MAGI2: variants seen among roughly 807,000 people sequenced by gnomAD.
MAGI2 encodes membrane associated guanylate kinase, WW and PDZ domain containing 2.
MAGI2 carries 35 observed loss-of-function variants against 133.3 expected under a neutral mutation model. The ratio of observed to expected loss-of-function variants is 0.26; its 90% CI spans 0.20 to 0.35. The LOEUF is 0.35. MAGI2 is among the 10% of genes least tolerant of loss of function. The probability of loss-of-function intolerance (pLI) is 1.00; values close to 1 mark genes in which losing one functional copy is unlikely to be tolerated. For missense variants in MAGI2, 1,636 were observed against 1,863.4 expected (o/e 0.88, Z 2.25); for synonymous variants, 729 against 710.6 (o/e 1.03, Z -0.41).
intron 5 of MAGI2, among the ~76,000 whole-genome samples, chr7:78,490,579 GA>G (rs1444887259): frequency 6.6e-6 from 1 of 152,076 alleles, no homozygotes; most frequent in African/African-American, 2.4e-5. Context: ...AAGTGGTTGT[GA>G]AATAACCTGC....
chr7:78,350,788 G>A (rs1791427821), intron 7 of MAGI2, among the ~76,000 whole-genome samples: 1 of 152,156 alleles, frequency 6.6e-6, no homozygotes, highest in African/African-American at 2.4e-5. Context: ...GAGCCCATCA[G>A]TATGCACAGG....
chr7:78,092,960 C>T (rs978089442), intron 20 of MAGI2, among the ~76,000 whole-genome samples: 1 of 151,660 alleles, frequency 6.6e-6, no homozygotes, highest in Non-Finnish European at 1.5e-5. Flanking sequence ...AGGGAAACCC[C>T]GTCTCTACTA....
Position 78,162,370 on chromosome 7 carries a change from A to AG in MAGI2, c.2597-2098_2597-2097insC, listed in dbSNP as rs1825126876. Among the ~76,000 whole-genome samples, 4 of 151,600 alleles carry AG rather than the reference A, an allele frequency of 2.6e-5. No homozygotes were observed. The South Asian group carries it at 6.3e-4, about 24-fold the overall frequency. On this transcript the variant is annotated intron_variant, in intron 15 of 21. Coordinates refer to ENST00000354212, the MANE Select transcript of MAGI2 (RefSeq NM_012301.4). Reference sequence around the variant, plus strand: ...CTACTAAAAATACAAAAAAAAAAAAAAAAATTTAGCTGGGCGCAGTGGTGG... The same window carrying AG: ...CTACTAAAAATACAAAAAAAAAAAAAGAAAATTTAGCTGGGCGCAGTGGTGG...
chr7:78,856,819 T>C (rs1383683284), intron 2 of MAGI2, among the ~76,000 whole-genome samples: 2 of 152,218 alleles, frequency 1.3e-5, no homozygotes, highest in South Asian at 2.1e-4. Flanking sequence ...GGGGATGGCA[T>C]TGAATCTATA....
chr7:78,762,312 G>A (rs1316338649), intron 2 of MAGI2, among the ~76,000 whole-genome samples: 1 of 151,904 alleles, frequency 6.6e-6, no homozygotes, highest in Non-Finnish European at 1.5e-5. Context: ...GCGTGGTGGT[G>A]CACACCTGTA....
intron 1 of MAGI2, among the ~76,000 whole-genome samples, chr7:79,257,608 C>T (rs1176638205): frequency 1.3e-5 from 2 of 152,114 alleles, no homozygotes; most frequent in Non-Finnish European, 2.9e-5. Flanking sequence ...TATGAGTTCA[C>T]CACTTTTAGT....
intron 1 of MAGI2, among the ~76,000 whole-genome samples, chr7:79,197,613 A>G (rs992417833): frequency 2.6e-5 from 4 of 152,034 alleles, no homozygotes; most frequent in Admixed American, 2.6e-4. Flanking sequence ...GGAATTTCAG[A>G]AAGAGAGCTA....
chr7:78,421,187 G>A (rs1798763666), intron 6 of MAGI2, among the ~76,000 whole-genome samples: 1 of 152,058 alleles, frequency 6.6e-6, no homozygotes, highest in African/African-American at 2.4e-5. Flanking sequence ...GAAAACCCTA[G>A]GAACAAGATA....
At chr7:79,115,473 T>G (rs919141614) in intron 1 of MAGI2, among the ~76,000 whole-genome samples, 3 of 152,196 alleles carry the variant, frequency 2.0e-5, no homozygotes, top group Non-Finnish European at 4.4e-5. Context: ...TAGTTATAAT[T>G]TTACTTATAA....
intron 2 of MAGI2, among the ~76,000 whole-genome samples, chr7:78,699,841 T>G (rs1284868065): frequency 6.6e-6 from 1 of 152,088 alleles, no homozygotes; most frequent in Non-Finnish European, 1.5e-5. Flanking sequence ...CAAGAAACTT[T>G]CAAAACTTAA....
In MAGI2 at chr7:78,536,103, C is replaced by CTTTTT. The variant is rs544655465; in HGVS notation, c.539-14463_539-14459dup. On this transcript the variant is annotated intron_variant, in intron 3 of 21. Transcript: ENST00000354212. ...TACAGCTGGCTCTGTATGAATTAAA[C>CTTTTT]TTTTTTTTTTTTTTTTTTTTTTTTT... Among the ~76,000 whole-genome samples the CTTTTT allele has an allele frequency of 7.1e-3, 424 of 59,940 alleles. 85 individuals are homozygous for CTTTTT. Among genetic ancestry groups the CTTTTT allele is most frequent in the Middle Eastern group, 0.045 (2 of 44 alleles). The allele number at this position is 59,940 out of a possible 152,430, so 39.3% of individuals were successfully genotyped here.
At chr7:79,016,946 C>A (rs186739630) in intron 1 of MAGI2, among the ~76,000 whole-genome samples, 1 of 152,376 alleles carries the variant, frequency 6.6e-6, no homozygotes, top group Admixed American at 6.5e-5. Context: ...AACATTTTTG[C>A]CCATGCAAAT....
At chr7:79,059,566 T>G (rs1813518168) in intron 1 of MAGI2, among the ~76,000 whole-genome samples, 1 of 152,068 alleles carries the variant, frequency 6.6e-6, no homozygotes, top group Non-Finnish European at 1.5e-5. Context: ...CTGAGTCAAA[T>G]TTAGTTATTT....
At chr7:78,916,153 A>G (rs1480906287) in intron 2 of MAGI2, among the ~76,000 whole-genome samples, 1 of 152,138 alleles carries the variant, frequency 6.6e-6, no homozygotes, top group East Asian at 1.9e-4. Flanking sequence ...TTAGACATGG[A>G]AATGTTGTTT....
At position 78,019,594 on chromosome 7, in the gene MAGI2, C is replaced by G; in HGVS notation, c.4089G>C (p.Ala1363=). The G allele has an allele frequency of 1.0e-6, 1 of 980,900 alleles. No individual in the cohort carries two copies. The highest frequency in any genetic ancestry group is 1.2e-6 in the Non-Finnish European group (1 of 828,572). The allele number at this position is 980,900 out of a possible 1,614,324, so 60.8% of individuals were successfully genotyped here. A position where few individuals can be genotyped will look rare whatever the true frequency, so the allele number is the denominator to read the frequency against. Residue 1363 remains alanine (A), a synonymous_variant, in exon 22 of 22, where the codon GCG becomes GCC. Transcript: ENST00000354212. Reference sequence around the variant, plus strand: ...CCGCACGGGGCGCCTCCTTCCCGCCCGCCCGCGCCGCGTCCGCCGCGTCTG... The same window carrying G: ...CCGCACGGGGCGCCTCCTTCCCGCCGGCCCGCGCCGCGTCCGCCGCGTCTG... ...AAADAADAAR[A]GGKEAPRAAA...
intron 1 of MAGI2, among the ~76,000 whole-genome samples, chr7:79,352,802 T>C (rs1197239240): frequency 1.3e-5 from 2 of 152,168 alleles, no homozygotes; most frequent in African/African-American, 2.4e-5. Flanking sequence ...GTCTGCAAAG[T>C]ATAAGCTATA....
At chr7:78,164,860 T>C (rs1009996108) in intron 15 of MAGI2, among the ~76,000 whole-genome samples, 1 of 152,228 alleles carries the variant, frequency 6.6e-6, no homozygotes, top group Non-Finnish European at 1.5e-5. Context: ...AGCTTGAATG[T>C]CTCAAAGCTG....
intron 1 of MAGI2, among the ~76,000 whole-genome samples, chr7:79,275,408 T>C (rs889151275): frequency 6.6e-6 from 1 of 152,176 alleles, no homozygotes; most frequent in African/African-American, 2.4e-5. Flanking sequence ...CTTGCTTCAA[T>C]TCTTTGAAGG....
At chr7:79,201,501 GT>G (rs1417963509) in intron 1 of MAGI2, among the ~76,000 whole-genome samples, 1 of 151,790 alleles carries the variant, frequency 6.6e-6, no homozygotes, top group African/African-American at 2.4e-5. Flanking sequence ...CATGAATAGT[GT>G]TTTTGTTTTG....
Sources: gnomAD v4.1 joint callset for allele counts (sites outside exome capture counted in the v4.1 genomes callset) on GRCh38, gnomAD v4.1.1 for gene constraint, MANE v1.5 for transcripts, NCBI Gene and HGNC (gene_info 2026-07-23, HGNC 2026-07-21) for gene names.